Variants in SDK1 observed in about 807,000 individuals in gnomAD.
The protein encoded by SDK1 is sidekick cell adhesion molecule 1.
In SDK1, 157 loss-of-function variants were observed where a neutral mutation model predicts 245.5. That is an observed-to-expected ratio of 0.64 (90% CI 0.56 to 0.73). SDK1 has a LOEUF of 0.73. SDK1 is among the 30% of genes least tolerant of loss of function. The pLI is 0.00. For synonymous variants in SDK1, 1,647 were observed against 1,278.5 expected (o/e 1.29, Z -6.15); for missense variants, 3,583 against 3,002.3 (o/e 1.19, Z -4.52).
intron 5 of SDK1, among the ~76,000 whole-genome samples, chr7:3,891,921 T>C (rs1400074019): frequency 1.3e-5 from 2 of 152,226 alleles, no homozygotes; most frequent in African/African-American, 4.8e-5. Context: ...GGTGCATTTT[T>C]TTTTCCTTAT....
chr7:4,264,694 G>C (rs975102993), intron 44 of SDK1, among the ~76,000 whole-genome samples: 3 of 150,672 alleles, frequency 2.0e-5, no homozygotes, highest in Admixed American at 6.6e-5. Context: ...GATCTCTCCT[G>C]AGTGGGGAGG....
intron 4 of SDK1, among the ~76,000 whole-genome samples, chr7:3,760,739 G>A (rs1050082047): frequency 6.6e-6 from 1 of 152,194 alleles, no homozygotes; most frequent in Non-Finnish European, 1.5e-5. Context: ...GGCAACCACT[G>A]ATCTGTTTCT....
At chr7:3,901,328 A>G (rs1445275954) in intron 5 of SDK1, among the ~76,000 whole-genome samples, 1 of 152,066 alleles carries the variant, frequency 6.6e-6, no homozygotes, top group Non-Finnish European at 1.5e-5. Context: ...CTGGGACTAC[A>G]GGCATGTGCC....
intron 4 of SDK1, among the ~76,000 whole-genome samples, chr7:3,657,406 C>G (rs1290946181): frequency 2.0e-5 from 3 of 152,066 alleles, no homozygotes; most frequent in Non-Finnish European, 4.4e-5. Context: ...CACACCCTGC[C>G]GAGTCCTGGA....
At chr7:4,174,395 G>T (rs1199641182) in intron 33 of SDK1, 38 bp downstream of exon 33, 1 of 1,607,308 alleles carries the variant, frequency 6.2e-7, no homozygotes, top group South Asian at 1.1e-5. Context: ...AGGGAGGGAG[G>T]TTCCCAGGGG....
chr7:4,243,616 T>A (rs1048884909), intron 43 of SDK1, among the ~76,000 whole-genome samples: 1 of 151,346 alleles, frequency 6.6e-6, no homozygotes, highest in African/African-American at 2.4e-5. Flanking sequence ...TATAAAACCA[T>A]CAGATCGTGT....
intron 5 of SDK1, among the ~76,000 whole-genome samples, chr7:3,906,968 C>T (rs1420216231): frequency 1.3e-5 from 2 of 152,102 alleles, no homozygotes; most frequent in African/African-American, 2.4e-5. Flanking sequence ...CGCATGCTGT[C>T]TTCTTTTCTC....
chr7:3,949,202 G>GC (rs552571835), intron 5 of SDK1, among the ~76,000 whole-genome samples: 99 of 152,312 alleles, frequency 6.5e-4, no homozygotes, highest in Non-Finnish European at 1.2e-3. Flanking sequence ...GGCTGCCTCA[G>GC]CCCCCCAGGG....
chr7:4,214,859 C>A (rs1227040071), intron 38 of SDK1, among the ~76,000 whole-genome samples: 1 of 152,256 alleles, frequency 6.6e-6, no homozygotes, highest in African/African-American at 2.4e-5. Context: ...TTTCCCGCCA[C>A]AACACCGTCA....
intron 4 of SDK1, among the ~76,000 whole-genome samples, chr7:3,660,947 G>T (rs1038324359): frequency 5.3e-5 from 8 of 152,170 alleles, no homozygotes; most frequent in African/African-American, 1.7e-4. Context: ...AATAGTCAGG[G>T]TCTGTAGTTT....
intron 35 of SDK1, among the ~76,000 whole-genome samples, chr7:4,185,677 G>A (rs946018945): frequency 3.3e-5 from 5 of 152,150 alleles, no homozygotes; most frequent in African/African-American, 9.7e-5. Context: ...AACATGCCAC[G>A]TACACAGCTC....
intron 1 of SDK1, among the ~76,000 whole-genome samples, chr7:3,371,035 A>G (rs1781214320): frequency 6.6e-6 from 1 of 152,110 alleles, no homozygotes. Flanking sequence ...TTTGAAACGG[A>G]GGAAGAGCCG....
In SDK1 at chr7:3,418,145, G is replaced by GCAAAAAAA. The variant is rs1292199670; in HGVS notation, c.298+116261_298+116262insCAAAAAAA. 2.8e-3 allele frequency among the ~76,000 whole-genome samples: 336 copies of GCAAAAAAA among 119,650 alleles called. 15 individuals are homozygous for GCAAAAAAA. The highest frequency in any genetic ancestry group is 7.0e-3 in the African/African-American group (179 of 25,752). The allele number at this position is 119,650 out of a possible 152,430, so 78.5% of individuals were successfully genotyped here. On this transcript the variant is annotated intron_variant, in intron 1 of 44. Transcript: ENST00000404826. ...GTGAAACCCGATCTCTACTAAAAAT[G>GCAAAAAAA]AAAAAAAAAAAAAAAAAAAAAAATA...
At chr7:3,352,866 C>T (rs372020233) in intron 1 of SDK1, among the ~76,000 whole-genome samples, 13 of 151,684 alleles carry the variant, frequency 8.6e-5, no homozygotes, top group East Asian at 1.9e-4. Context: ...CTGTATTTTC[C>T]GAAGAGTGGG....
chr7:4,185,143 G>A (rs1048961993), intron 35 of SDK1, among the ~76,000 whole-genome samples: 20 of 152,198 alleles, frequency 1.3e-4, no homozygotes, highest in Admixed American at 8.5e-4. Context: ...GATCCAGTGC[G>A]ACAGTCAGAA....
chr7:3,967,899 C>G (rs1009426539), intron 10 of SDK1, among the ~76,000 whole-genome samples: 15 of 152,210 alleles, frequency 9.9e-5, no homozygotes, highest in African/African-American at 2.9e-4. Context: ...AGAATGCCTA[C>G]CAGGTGCAAG....
chr7:3,473,072 C>A (rs546609154), intron 1 of SDK1, among the ~76,000 whole-genome samples: 4 of 152,278 alleles, frequency 2.6e-5, no homozygotes, highest in Admixed American at 6.5e-5. Flanking sequence ...TGGCTTCTTA[C>A]GATTTTGAAA....
At chr7:3,667,071 T>C (rs1432113394) in intron 4 of SDK1, among the ~76,000 whole-genome samples, 1 of 152,092 alleles carries the variant, frequency 6.6e-6, no homozygotes, top group African/African-American at 2.4e-5. Flanking sequence ...AGAAGAAAAA[T>C]AAATGACAAA....
intron 1 of SDK1, among the ~76,000 whole-genome samples, chr7:3,535,377 A>T (rs549712092): frequency 1.3e-5 from 2 of 152,302 alleles, no homozygotes; most frequent in East Asian, 3.9e-4. Flanking sequence ...TACATGCATT[A>T]ATGTTGAATG....
Sources: allele counts gnomAD v4.1 joint callset (sites outside exome capture counted in the v4.1 genomes callset), GRCh38; gene constraint gnomAD v4.1.1; transcripts MANE v1.5; gene names NCBI Gene and HGNC (gene_info 2026-07-23, HGNC 2026-07-21).